The following DNAJC6 variants were observed in gnomAD, a reference collection of about 807,000 sequenced individuals.
DNAJC6 encodes the protein auxilin.
DNAJC6 carries 34 observed loss-of-function variants against 110.0 expected under a neutral mutation model. The observed-to-expected ratio is 0.31, with a 90% CI of 0.24 to 0.41. DNAJC6 has a LOEUF of 0.41. Among genes scored for constraint, DNAJC6 ranks in the 10% least tolerant of loss-of-function variants. The probability of loss-of-function intolerance (pLI) is 1.00; values close to 1 mark genes in which losing one functional copy is unlikely to be tolerated. For synonymous variants in DNAJC6, 406 were observed against 437.2 expected, an observed-to-expected ratio of 0.93 and a Z score of 0.89; for missense variants, 1,031 against 1,207.8, an observed-to-expected ratio of 0.85 and a Z score of 2.17.
chr1:65,288,427 A>G (rs920411666), intron 1 of DNAJC6, among the ~76,000 whole-genome samples: 2 of 152,234 alleles, frequency 1.3e-5, no homozygotes, highest in African/African-American at 4.8e-5. Context: ...TATGAAAGTA[A>G]GAACATTGCA....
At chr1:65,368,324 G>C (rs1645668621) in intron 4 of DNAJC6, among the ~76,000 whole-genome samples, 1 of 151,496 alleles carries the variant, frequency 6.6e-6, no homozygotes, top group Non-Finnish European at 1.5e-5. Flanking sequence ...GCCTCTATCT[G>C]CTCCTCTAAC....
intron 1 of DNAJC6, among the ~76,000 whole-genome samples, chr1:65,282,967 G>A (rs1653900328): frequency 6.6e-6 from 1 of 152,134 alleles, no homozygotes; most frequent in Non-Finnish European, 1.5e-5. Flanking sequence ...GTTGACTTAA[G>A]AAAACTTTTT....
At chr1:65,355,264 C>CAAA (rs58338708) in intron 1 of DNAJC6, among the ~76,000 whole-genome samples, 4 of 84,218 alleles carry the variant, frequency 4.7e-5, no homozygotes, top group Non-Finnish European at 9.2e-5. Flanking sequence ...CACCCTGTCT[C>CAAA]AAAAAAAAAA....
At chr1:65,357,353 A>T (rs1276612679) in intron 1 of DNAJC6, among the ~76,000 whole-genome samples, 2 of 152,200 alleles carry the variant, frequency 1.3e-5, no homozygotes, top group Non-Finnish European at 2.9e-5. Context: ...TCACTTTACT[A>T]GACCTGGATG....
rs4915691 is a variant in DNAJC6 at position 65,401,836 on chromosome 1, G to A, written c.2183G>A (p.Ser728Asn). 157,617 of 1,613,334 alleles carry A rather than the reference G, an allele frequency of 0.098. 25,133 individuals are homozygous for A. Among genetic ancestry groups the A allele is most frequent in the East Asian group, 0.62 (27,855 of 44,794 alleles). ...TCGCATGGTACTCCCACCCATCAAAGCAAACCCCAGACTCTGGATCCTTTT... is the reference window on the plus strand; with the variant it reads ...TCGCATGGTACTCCCACCCATCAAAACAAACCCCAGACTCTGGATCCTTTT... ...GSSHGTPTHQ[S>N]KPQTLDPFAD... is the part of the protein sequence containing the mutation. The change falls in exon 15 of 19, where the codon AGC becomes AAC. Residue 728 changes from serine to asparagine, a missense_variant. Coordinates refer to ENST00000371069, the MANE Select transcript of DNAJC6 (RefSeq NM_001256864.2).
At chr1:65,358,047 C>T (rs1020230461) in intron 1 of DNAJC6, among the ~76,000 whole-genome samples, 7 of 151,694 alleles carry the variant, frequency 4.6e-5, no homozygotes, top group South Asian at 4.2e-4. Flanking sequence ...GGCATGGTGG[C>T]GGGCACCTGT....
upstream of DNAJC6, among the ~76,000 whole-genome samples, chr1:65,306,828 G>GA (rs1557511588): frequency 5.9e-5 from 9 of 151,884 alleles, no homozygotes; most frequent in African/African-American, 2.2e-4. Context: ...GATATCCCTG[G>GA]AAAAAATAAT....
chr1:65,309,227 A>C, upstream of DNAJC6, among the ~76,000 whole-genome samples: 1 of 150,834 alleles, frequency 6.6e-6, no homozygotes, highest in African/African-American at 2.4e-5. Flanking sequence ...ACACCCTCCC[A>C]ACCCACGTCG....
chr1:65,309,624 C>T lies in DNAJC6; in HGVS notation c.-122C>T, dbSNP rs1385399636. 7.2e-7 allele frequency: 1 copy of T among 1,393,226 alleles called. No individual in the cohort carries two copies. Among genetic ancestry groups the T allele is most frequent in the Non-Finnish European group, 9.3e-7 (1 of 1,078,968 alleles). The allele number at this position is 1,393,226 out of a possible 1,614,324, so 86.3% of individuals were successfully genotyped here. A position where few individuals can be genotyped will look rare whatever the true frequency, so the allele number is the denominator to read the frequency against. ...GTGGCCGCTCCTTCTTTTCCCTCCTCTTTGCGTCATGTCGGGCACTTAATT... is the reference window on the plus strand; with the variant it reads ...GTGGCCGCTCCTTCTTTTCCCTCCTTTTTGCGTCATGTCGGGCACTTAATT... On this transcript the variant is annotated 5_prime_UTR_variant, in exon 1 of 19. Coordinates refer to ENST00000371069, the MANE Select transcript of DNAJC6 (RefSeq NM_001256864.2).
At chr1:65,371,698 G>C (rs1056560640) in intron 4 of DNAJC6, among the ~76,000 whole-genome samples, 4 of 152,144 alleles carry the variant, frequency 2.6e-5, no homozygotes, top group South Asian at 2.1e-4. Context: ...CTCTAGCGAT[G>C]ATTTGGCTTC....
intron 1 of DNAJC6, among the ~76,000 whole-genome samples, chr1:65,334,909 T>C (rs1645321024): frequency 6.6e-6 from 1 of 152,208 alleles, no homozygotes; most frequent in African/African-American, 2.4e-5. Flanking sequence ...TCTCATCACC[T>C]ACAAGATAAA....
chr1:65,304,483 AATGACTATGGTTTTCCCCT>A (rs1209114901), intron 1 of DNAJC6, among the ~76,000 whole-genome samples: 1 of 152,186 alleles, frequency 6.6e-6, no homozygotes, highest in South Asian at 2.1e-4. Context: ...GTAGCACTTA[AATGACTATGGTTTTCCCCT>A]ATGGACATCA....
At chr1:65,373,493 A>G (rs954845181) in intron 4 of DNAJC6, among the ~76,000 whole-genome samples, 1 of 152,088 alleles carries the variant, frequency 6.6e-6, no homozygotes, top group African/African-American at 2.4e-5. Context: ...GTGAGATGAC[A>G]CTATATTGTG....
chr1:65,396,479 G>A (rs907084888), intron 13 of DNAJC6, among the ~76,000 whole-genome samples: 3 of 151,984 alleles, frequency 2.0e-5, no homozygotes, highest in African/African-American at 7.2e-5. Context: ...AGCTGTACTG[G>A]CCTCTTTGCT....
intron 1 of DNAJC6, among the ~76,000 whole-genome samples, chr1:65,319,019 G>T (rs1047843672): frequency 3.9e-5 from 6 of 152,104 alleles, no homozygotes; most frequent in Non-Finnish European, 7.3e-5. Flanking sequence ...GAGAAACAAC[G>T]AAGGCCCTAG....
intron 1 of DNAJC6, among the ~76,000 whole-genome samples, chr1:65,295,333 T>C (rs187400362): frequency 3.3e-5 from 5 of 152,326 alleles, no homozygotes; most frequent in African/African-American, 1.2e-4. Context: ...CTTGTCTCCA[T>C]ATGTCAGAAA....
intron 15 of DNAJC6, among the ~76,000 whole-genome samples, chr1:65,405,357 A>G (rs1039312219): frequency 1.3e-5 from 2 of 152,228 alleles, no homozygotes; most frequent in African/African-American, 4.8e-5. Context: ...GGCACTAACC[A>G]TGCTTTATAA....
intron 1 of DNAJC6, among the ~76,000 whole-genome samples, chr1:65,266,175 CCTT>C (rs1232280050): frequency 6.6e-6 from 1 of 152,030 alleles, no homozygotes; most frequent in African/African-American, 2.4e-5. Context: ...CGGGGCTTGG[CCTT>C]CTCCAGTCCT....
chr1:65,344,001 A>G (rs1645413398), intron 1 of DNAJC6, among the ~76,000 whole-genome samples: 1 of 152,178 alleles, frequency 6.6e-6, no homozygotes, highest in South Asian at 2.1e-4. Flanking sequence ...GGTTTCAGAC[A>G]TCGACTGCAG....
Sources: gnomAD v4.1 joint callset for allele counts (sites outside exome capture counted in the v4.1 genomes callset) on GRCh38, gnomAD v4.1.1 for gene constraint, MANE v1.5 for transcripts, NCBI Gene and HGNC (gene_info 2026-07-23, HGNC 2026-07-21) for gene names.